NHS: variants seen among roughly 807,000 people sequenced by gnomAD.
The protein encoded by NHS is actin remodeling regulator NHS.
Under a neutral mutation model 72.5 loss-of-function variants are expected in NHS, and 5 were observed. The ratio of observed to expected loss-of-function variants is 0.07; its 90% CI spans 0.04 to 0.14. The LOEUF is 0.14. Ranked by LOEUF, NHS falls within the 10% of genes least tolerant of loss-of-function variation. The pLI is 1.00. For synonymous variants in NHS, 464 were observed against 547.7 expected (o/e 0.85, Z 2.13); for missense variants, 1,072 against 1,355.7 (o/e 0.79, Z 3.29).
Position 17,735,069 on chromosome X carries a change from G to C in NHS, c.*2605G>C, listed in dbSNP as rs755777074. The C allele has an allele frequency of 2.7e-5, 3 of 112,470 alleles. No individual in the cohort carries two copies. In the East Asian group the frequency reaches 8.3e-4, roughly 31 times the overall value. 9.3% of individuals were successfully genotyped at this position (112,470 alleles called of 1,213,427 possible). On this transcript the variant is annotated 3_prime_UTR_variant, in exon 9 of 9. Transcript: ENST00000676302. Reference sequence around the variant, plus strand: ...CAATAAGATACCTTCTATATGTAATGATCACAGAACTAACCCTTATAATAT... The same window carrying C: ...CAATAAGATACCTTCTATATGTAATCATCACAGAACTAACCCTTATAATAT...
intron 3 of NHS, among the ~76,000 whole-genome samples, chrX:17,696,193 A>T (rs772125673): frequency 8.0e-5 from 9 of 111,841 alleles, no homozygotes; most frequent in Non-Finnish European, 1.5e-4. Flanking sequence ...CAAATGTAAA[A>T]AGTTTGTAGT....
intron 1 of NHS, among the ~76,000 whole-genome samples, chrX:17,587,635 C>T (rs938517277): frequency 1.8e-5 from 2 of 112,358 alleles, no homozygotes; most frequent in Admixed American, 9.4e-5. Context: ...TAAATGAATC[C>T]TAGCCTAGGA....
At position 17,401,209 on chromosome X, in the gene NHS, C is replaced by T. The variant is rs149931650; in HGVS notation, c.565+24887C>T. 3.2e-3 allele frequency among the ~76,000 whole-genome samples: 358 copies of T among 111,968 alleles called. 2 individuals carry two copies. Among genetic ancestry groups the T allele is most frequent in the African/African-American group, 0.011 (343 of 30,887 alleles). On this transcript the variant is annotated intron_variant, in intron 1 of 8. Coordinates refer to ENST00000676302, the MANE Select transcript of NHS (RefSeq NM_001291867.2). Reference sequence around the variant, plus strand: ...CCACATGCAAAAGAATGAGGTTGGGCCCCCTCCTTATATCATCACAACATT... The same window carrying T: ...CCACATGCAAAAGAATGAGGTTGGGTCCCCTCCTTATATCATCACAACATT...
intron 1 of NHS, among the ~76,000 whole-genome samples, chrX:17,527,348 G>A (rs774216063): frequency 8.8e-6 from 1 of 113,446 alleles, no homozygotes; most frequent in South Asian, 3.6e-4. Flanking sequence ...AAAAGGCAGA[G>A]AGGGCCCTGC....
intron 1 of NHS, among the ~76,000 whole-genome samples, chrX:17,634,659 G>A (rs961766822): frequency 1.1e-4 from 10 of 91,234 alleles, no homozygotes; most frequent in East Asian, 7.4e-4. Flanking sequence ...CTTGCTATGC[G>A]CTATTACTGC....
In NHS at chrX:17,375,711, CAGGGGCGCTTGG is replaced by C; in HGVS notation, c.-43_-32del. On this transcript the variant is annotated 5_prime_UTR_variant, in exon 1 of 9. Coordinates refer to ENST00000676302, the MANE Select transcript of NHS (RefSeq NM_001291867.2). ...GTGGGCGCGCCCGGTCTCCAGCTCA[CAGGGGCGCTTGG>C]AGGAGACCAGAAAGTCGCCGCCTGG... 1 of 1,147,333 alleles carries C rather than the reference CAGGGGCGCTTGG, an allele frequency of 8.7e-7. No homozygotes were observed. Among genetic ancestry groups the C allele is most frequent in the African/African-American group, 1.8e-5 (1 of 56,282 alleles). The allele number at this position is 1,147,333 out of a possible 1,213,427, so 94.6% of individuals were successfully genotyped here. A position where few individuals can be genotyped will look rare whatever the true frequency, so the allele number is the denominator to read the frequency against.
rs1444618057 is a variant in NHS at position 17,728,288 on chromosome X, A to G, written c.4182A>G (p.Ala1394=). ...AAAGTGCCTCTGATAACAGCAAAGCAGAGGAGACCCAAGGAAATGTGGATG... is the reference window on the plus strand; with the variant it reads ...AAAGTGCCTCTGATAACAGCAAAGCGGAGGAGACCCAAGGAAATGTGGATG... The part of the protein sequence containing the change: ...SAKSASDNSK[A]EETQGNVDEA... The change falls in exon 7 of 9, where the codon GCA becomes GCG. Residue 1394 remains alanine (A), a synonymous_variant. Transcript: ENST00000676302. 2 of 1,210,463 alleles carry G rather than the reference A, an allele frequency of 1.7e-6. No homozygotes were observed. The highest frequency in any genetic ancestry group is 1.7e-5 in the African/African-American group (1 of 57,331).
intron 1 of NHS, among the ~76,000 whole-genome samples, chrX:17,588,256 A>C (rs55703216): frequency 9.1e-6 from 1 of 110,323 alleles, no homozygotes; most frequent in African/African-American, 3.3e-5. Flanking sequence ...ATTCACAAAA[A>C]TAAGTCACAT....
At chrX:17,588,450 G>A (rs948555860) in intron 1 of NHS, among the ~76,000 whole-genome samples, 11 of 112,277 alleles carry the variant, frequency 9.8e-5, no homozygotes, top group Non-Finnish European at 2.1e-4. Flanking sequence ...GACAGAGACA[G>A]TCAATTCTGC....
intron 1 of NHS, among the ~76,000 whole-genome samples, chrX:17,523,671 TC>T (rs2065160474): frequency 1.9e-5 from 2 of 102,748 alleles, no homozygotes; most frequent in South Asian, 9.5e-4. Context: ...CAAAAGCTCA[TC>T]TTGGAACCTG....
At chrX:17,691,622 A>G (rs1336274376) in intron 2 of NHS, among the ~76,000 whole-genome samples, 1 of 111,868 alleles carries the variant, frequency 8.9e-6, no homozygotes, top group African/African-American at 3.3e-5. Flanking sequence ...GGGGCAGCAC[A>G]TTGAATGGGG....
At chrX:17,564,404 G>A (rs2065430881) in intron 1 of NHS, among the ~76,000 whole-genome samples, 1 of 112,308 alleles carries the variant, frequency 8.9e-6, no homozygotes, top group Non-Finnish European at 1.9e-5. Context: ...GCTCCTGGGG[G>A]ACACGATCAT....
At chrX:17,416,651 G>T (rs1483674650) in intron 1 of NHS, among the ~76,000 whole-genome samples, 1 of 112,122 alleles carries the variant, frequency 8.9e-6, no homozygotes, top group Admixed American at 9.5e-5. Flanking sequence ...GTTGCAGTCT[G>T]CTGCAAGCCT....
At chrX:17,585,958 A>G (rs1403174754) in intron 1 of NHS, 2 of 110,892 alleles carry the variant, frequency 1.8e-5, no homozygotes, top group Non-Finnish European at 3.8e-5. Context: ...AAGAACCTCG[A>G]AGTCATCTGG....
At chrX:17,596,021 G>A (rs190115415) in intron 1 of NHS, among the ~76,000 whole-genome samples, 2 of 99,125 alleles carry the variant, frequency 2.0e-5, no homozygotes, top group Non-Finnish European at 4.1e-5. Flanking sequence ...CAGACAATTT[G>A]CTTACCTACT....
chrX:17,641,638 G>A, intron 1 of NHS, among the ~76,000 whole-genome samples: 1 of 111,115 alleles, frequency 9.0e-6, no homozygotes, highest in Admixed American at 9.5e-5. Context: ...TTGGGGCAAA[G>A]CTGAGAACCT....
chrX:17,688,625 A>G (rs960690698), intron 2 of NHS, among the ~76,000 whole-genome samples: 14 of 111,600 alleles, frequency 1.3e-4, no homozygotes, highest in African/African-American at 4.6e-4. Context: ...AAACTTGCTC[A>G]GGGTCACACA....
chrX:17,522,204 T>C (rs2065151722), intron 1 of NHS, among the ~76,000 whole-genome samples: 1 of 112,578 alleles, frequency 8.9e-6, no homozygotes. Flanking sequence ...GATTCTCTGC[T>C]TTGTGCTGCC....
In NHS at chrX:17,404,024, A is replaced by T. The variant is rs147138917; in HGVS notation, c.565+27702A>T. 5.7e-3 allele frequency among the ~76,000 whole-genome samples: 642 copies of T among 111,926 alleles called. 6 individuals are homozygous for T. The highest frequency in any genetic ancestry group is 0.019 in the African/African-American group (588 of 30,811). ...CAGCTGCCACTTGTCTTTCTGACAG[A>T]CTGTTTGCTTGTGTGTGGCTGCTAA... On this transcript the variant is annotated intron_variant, in intron 1 of 8. Coordinates refer to ENST00000676302, the MANE Select transcript of NHS (RefSeq NM_001291867.2).
Sources: allele counts gnomAD v4.1 joint callset (sites outside exome capture counted in the v4.1 genomes callset), GRCh38; gene constraint gnomAD v4.1.1; transcripts MANE v1.5; gene names NCBI Gene and HGNC (gene_info 2026-07-23, HGNC 2026-07-21).